Variants in VPS13A observed in about 807,000 individuals in gnomAD.
The protein encoded by VPS13A is vacuolar protein sorting 13 homolog A, also known as intermembrane lipid transfer protein VPS13A.
A neutral mutation model predicts 390.9 loss-of-function variants in VPS13A; 264 were observed. The ratio of observed to expected loss-of-function variants is 0.68; its 90% CI spans 0.61 to 0.75. The LOEUF (loss-of-function observed/expected upper bound fraction) is 0.75. Among genes scored for constraint, VPS13A ranks in the 30% least tolerant of loss-of-function variants. The pLI is 0.00. For synonymous variants in VPS13A, 1,231 were observed against 1,227.1 expected (o/e 1.00, Z -0.07); for missense variants, 3,409 against 3,733.9 (o/e 0.91, Z 2.27).
intron 62 of VPS13A, 74 bp downstream of exon 62, chr9:77,368,210 A>T (rs757500786): frequency 2.5e-4 from 296 of 1,207,026 alleles, no homozygotes; most frequent in Non-Finnish European, 3.3e-4. Flanking sequence ...ATACATATAT[A>T]ATGTGGAACT....
At chr9:77,348,095 C>T (rs1352765196) in intron 52 of VPS13A, among the ~76,000 whole-genome samples, 1 of 152,124 alleles carries the variant, frequency 6.6e-6, no homozygotes, top group Non-Finnish European at 1.5e-5. Flanking sequence ...ACCCAAAATA[C>T]CATTTGACCC....
chr9:77,273,449 C>A lies in VPS13A; in HGVS notation c.2512+85C>A, dbSNP rs546177736. 3.2e-4 allele frequency: 348 copies of A among 1,078,302 alleles called. 9 individuals are homozygous for A. In the South Asian group the frequency reaches 4.2e-3, roughly 13 times the overall value. 66.8% of individuals were successfully genotyped at this position (1,078,302 alleles called of 1,614,324 possible). A position where few individuals can be genotyped will look rare whatever the true frequency, so the allele number is the denominator to read the frequency against. On this transcript the variant is annotated intron_variant, in intron 24 of 71. Coordinates refer to ENST00000360280, the MANE Select transcript of VPS13A (RefSeq NM_033305.3). ...GGCATATTTTTCTCAAAGGACCACA[C>A]AGAGGAAGGAAAATATCTTTTCCTT...
At chr9:77,283,700 C>T (rs1827173256) in intron 31 of VPS13A, 50 bp downstream of exon 31, 1 of 1,389,226 alleles carries the variant, frequency 7.2e-7, no homozygotes, top group Non-Finnish European at 1.0e-6. Context: ...TAGGATTGTC[C>T]TTTAAGAGTG....
At chr9:77,395,022 A>G (rs753066190) in intron 68 of VPS13A, among the ~76,000 whole-genome samples, 3 of 152,192 alleles carry the variant, frequency 2.0e-5, no homozygotes, top group African/African-American at 7.2e-5. Flanking sequence ...TTGCTTTCTT[A>G]TAATTCTTGT....
At chr9:77,188,421 C>T (rs77780437) in intron 1 of VPS13A, among the ~76,000 whole-genome samples, 2,610 of 152,318 alleles carry the variant, frequency 0.017, 29 homozygotes, top group Middle Eastern at 0.031. Flanking sequence ...CCAGTGGCAT[C>T]CATGTTGCTG....
At chr9:77,392,436 T>C (rs1833933032) in intron 68 of VPS13A, among the ~76,000 whole-genome samples, 1 of 152,162 alleles carries the variant, frequency 6.6e-6, no homozygotes, top group South Asian at 2.1e-4. Flanking sequence ...TTCCTTTTAC[T>C]AGAGTTATTA....
intron 68 of VPS13A, 79 bp downstream of exon 68, chr9:77,382,166 T>G: frequency 1.5e-6 from 2 of 1,340,958 alleles, no homozygotes; most frequent in Non-Finnish European, 2.0e-6. Context: ...TAATATATAT[T>G]AAATTATTTG....
At chr9:77,177,972 C>G in intron 1 of VPS13A, 168 bp downstream of exon 1, 1 of 607,716 alleles carries the variant, frequency 1.6e-6, no homozygotes, top group Non-Finnish European at 2.9e-6. Flanking sequence ...CGGCAGTTCC[C>G]TGGCCTCCGC....
chr9:77,321,292 A>C lies in VPS13A; in HGVS notation c.5539A>C (p.Lys1847Gln). The C allele has an allele frequency of 6.2e-7, 1 of 1,609,254 alleles. No homozygotes were observed. Among genetic ancestry groups the C allele is most frequent in the South Asian group, 1.1e-5 (1 of 90,692 alleles). ...AGACCAATTAAACATTACATTATCC[A>C]AATGTGGTCTTGTAATGTTAAACAA... ...SKDQLNITLSKCGLVMLNNLV... is the reference protein window; with the variant it reads ...SKDQLNITLSQCGLVMLNNLV... Residue 1847 changes from lysine (K) to glutamine (Q), a missense_variant, in exon 43 of 72, where the codon AAA becomes CAA. Lys to Gln is a moderately conservative substitution (Grantham distance 53). This residue lies in a region of VPS13A where 2,717 missense variants were observed against 2,917.4 expected (regional missense o/e 0.93). Coordinates refer to ENST00000360280, the MANE Select transcript of VPS13A (RefSeq NM_033305.3).
In VPS13A at chr9:77,238,371, A is replaced by G. The variant is rs191326835; in HGVS notation, c.1885A>G (p.Ser629Gly). 3 of 1,613,646 alleles carry G rather than the reference A, an allele frequency of 1.9e-6. No individual in the cohort carries two copies. Among genetic ancestry groups the G allele is most frequent in the African/African-American group, 2.7e-5 (2 of 75,030 alleles). ...TTTGACAAAACTGGAAGAATTTCGCAGTAAGACAGCAACAGGTAAATGCCA... is the reference window on the plus strand; with the variant it reads ...TTTGACAAAACTGGAAGAATTTCGCGGTAAGACAGCAACAGGTAAATGCCA... The part of the protein sequence containing the change: ...ATLTKLEEFR[S>G]KTATGLLYII... The change falls in exon 19 of 72, where the codon AGT becomes GGT. Residue 629 changes from serine to glycine, a missense_variant. Ser to Gly is a moderately conservative substitution (Grantham distance 56). Coordinates refer to ENST00000360280, the MANE Select transcript of VPS13A (RefSeq NM_033305.3).
Position 77,177,729 on chromosome 9 carries a change from G to C in VPS13A, c.25G>C (p.Asp9His), listed in dbSNP as rs1823720431. 6.2e-7 allele frequency: 1 copy of C among 1,613,656 alleles called. No homozygotes were observed. The highest frequency in any genetic ancestry group is 8.5e-7 in the Non-Finnish European group (1 of 1,179,694). The change falls in exon 1 of 72, where the codon GAC becomes CAC. Residue 9 changes from aspartate to histidine, a missense_variant. Physicochemically the swap from Asp to His is moderately conservative, Grantham distance 81. This residue lies in a region of VPS13A where 2,717 missense variants were observed against 2,917.4 expected (regional missense o/e 0.93). Coordinates refer to ENST00000360280, the MANE Select transcript of VPS13A (RefSeq NM_033305.3). ...CATGGTTTTCGAGTCGGTGGTCGTG[G>C]ACGTGTTGAACCGGTTCTTGGGGGA... MVFESVVV[D>H]VLNRFLGDYV...
chr9:77,268,954 A>AG (rs142025605), intron 23 of VPS13A, among the ~76,000 whole-genome samples: 34 of 151,756 alleles, frequency 2.2e-4, no homozygotes, highest in Admixed American at 3.9e-4. Context: ...AAAAAAAAAA[A>AG]GAAAGTGAGT....
intron 33 of VPS13A, among the ~76,000 whole-genome samples, chr9:77,298,437 A>T (rs1828138804): frequency 6.6e-6 from 1 of 152,188 alleles, no homozygotes; most frequent in Admixed American, 6.5e-5. Flanking sequence ...ACGAAGTAGG[A>T]GCAGACAGAG....
At chr9:77,182,513 A>C (rs56261148) in intron 1 of VPS13A, among the ~76,000 whole-genome samples, 31,141 of 152,130 alleles carry the variant, frequency 0.2, 3,377 homozygotes, top group Middle Eastern at 0.26. Flanking sequence ...ACATGAAAAT[A>C]TTTTTTTAAA....
Position 77,408,677 on chromosome 9 carries a change from C to G in VPS13A, c.9474+1070C>G, listed in dbSNP as rs528881629. 1.5e-4 allele frequency among the ~76,000 whole-genome samples: 23 copies of G among 152,342 alleles called. No individual in the cohort carries two copies. In the East Asian group the frequency reaches 1.5e-3, roughly 10 times the overall value. Reference sequence around the variant, plus strand: ...CCTGGCTCGGAGGGTCCTACGCCCACGGAGCCTTGCTCATTGCTAGCACAG... The same window carrying G: ...CCTGGCTCGGAGGGTCCTACGCCCAGGGAGCCTTGCTCATTGCTAGCACAG... On this transcript the variant is annotated intron_variant, in intron 71 of 71. Transcript: ENST00000360280.
intron 65 of VPS13A, 113 bp from the exon 66 acceptor site, chr9:77,370,777 A>T: frequency 6.8e-7 from 1 of 1,466,092 alleles, no homozygotes; most frequent in Non-Finnish European, 9.4e-7. Flanking sequence ...GAGATCTGTT[A>T]ATTCTTATGC....
At chr9:77,319,104 A>G (rs1470593290) in intron 41 of VPS13A, among the ~76,000 whole-genome samples, 1 of 151,488 alleles carries the variant, frequency 6.6e-6, no homozygotes, top group Non-Finnish European at 1.5e-5. Flanking sequence ...GAGGTGGACG[A>G]TCACTTGAGA....
intron 1 of VPS13A, among the ~76,000 whole-genome samples, chr9:77,197,802 A>T (rs1825090015): frequency 6.6e-6 from 1 of 152,230 alleles, no homozygotes; most frequent in Non-Finnish European, 1.5e-5. Context: ...AAGCTTGTGT[A>T]CCTTCAACCA....
chr9:77,257,010 A>T (rs948412150), intron 22 of VPS13A, among the ~76,000 whole-genome samples: 3 of 152,018 alleles, frequency 2.0e-5, no homozygotes, highest in African/African-American at 7.2e-5. Flanking sequence ...ACAGATGGGG[A>T]GGACTTACTT....
Sources: allele counts gnomAD v4.1 joint callset (sites outside exome capture counted in the v4.1 genomes callset), GRCh38; gene constraint gnomAD v4.1.1; regional missense constraint gnomAD v4.1.1; transcripts MANE v1.5; gene names NCBI Gene and HGNC (gene_info 2026-07-23, HGNC 2026-07-21).